The following FBXW7 variants were observed in gnomAD, a reference collection of about 807,000 sequenced individuals.
FBXW7 encodes F-box and WD repeat domain containing 7, also known as F-box/WD repeat-containing protein 7.
In FBXW7, 11 loss-of-function variants were observed where a neutral mutation model predicts 86.3. The ratio of observed to expected loss-of-function variants is 0.13; its 90% CI spans 0.08 to 0.21. The LOEUF (loss-of-function observed/expected upper bound fraction) is 0.21, where lower values mean the gene tolerates loss of function less well. Among genes scored for constraint, FBXW7 ranks in the 10% least tolerant of loss-of-function variants. The pLI is 1.00. For synonymous variants in FBXW7, 313 were observed against 297.9 expected (o/e 1.05, Z -0.52); for missense variants, 488 against 847.4 (o/e 0.58, Z 5.27).
intron 4 of FBXW7, among the ~76,000 whole-genome samples, chr4:152,384,600 G>A (rs1355798076): frequency 6.6e-6 from 1 of 151,804 alleles, no homozygotes; most frequent in Non-Finnish European, 1.5e-5. Context: ...GATGGATAGT[G>A]GTAATGGTTG....
intron 12 of FBXW7, chr4:152,325,690 T>C (rs2126489118): frequency 4.0e-6 from 1 of 247,342 alleles, no homozygotes; most frequent in East Asian, 8.0e-5. Flanking sequence ...AAGGAGTTTC[T>C]TAAAATCCAG....
chr4:152,514,997 A>T (rs75655028), intron 2 of FBXW7, among the ~76,000 whole-genome samples: 2,380 of 152,300 alleles, frequency 0.016, 72 homozygotes, highest in African/African-American at 0.054. Flanking sequence ...AATAAGTAGA[A>T]ATATGGATGA....
At chr4:152,354,808 T>C (rs185608142) in intron 4 of FBXW7, among the ~76,000 whole-genome samples, 47 of 152,258 alleles carry the variant, frequency 3.1e-4, no homozygotes, top group African/African-American at 9.6e-4. Context: ...CATGTTTTAT[T>C]ACCAGGTTTG....
At chr4:152,496,306 A>G (rs1746335123) in intron 2 of FBXW7, among the ~76,000 whole-genome samples, 2 of 152,218 alleles carry the variant, frequency 1.3e-5, no homozygotes, top group Non-Finnish European at 1.5e-5. Flanking sequence ...CAGTAACAAA[A>G]AGTATTTTTA....
At chr4:152,524,587 T>C (rs1749324322) in intron 2 of FBXW7, among the ~76,000 whole-genome samples, 1 of 152,186 alleles carries the variant, frequency 6.6e-6, no homozygotes, top group Non-Finnish European at 1.5e-5. Flanking sequence ...TAACACCTCA[T>C]GTCCACAACC....
At chr4:152,490,521 A>G (rs1745740906) in intron 2 of FBXW7, among the ~76,000 whole-genome samples, 1 of 152,114 alleles carries the variant, frequency 6.6e-6, no homozygotes, top group African/African-American at 2.4e-5. Context: ...TTAATGAGGA[A>G]GAAACAGGCA....
intron 2 of FBXW7, among the ~76,000 whole-genome samples, chr4:152,490,803 T>A (rs1745776426): frequency 6.6e-6 from 1 of 152,174 alleles, no homozygotes; most frequent in African/African-American, 2.4e-5. Flanking sequence ...ATTTTTTCTA[T>A]CTTTATTACT....
At chr4:152,501,008 G>C (rs1579366382) in intron 2 of FBXW7, among the ~76,000 whole-genome samples, 1 of 152,160 alleles carries the variant, frequency 6.6e-6, no homozygotes, top group Non-Finnish European at 1.5e-5. Flanking sequence ...TGTGCCTCTA[G>C]AGGGCAGCAT....
chr4:152,345,968 C>T (rs1378938229), intron 6 of FBXW7, among the ~76,000 whole-genome samples: 2 of 152,052 alleles, frequency 1.3e-5, no homozygotes, highest in Non-Finnish European at 2.9e-5. Flanking sequence ...TTTTACATTA[C>T]TATGGAGGCT....
chr4:152,326,942 T>G (rs1333965584), intron 11 of FBXW7, among the ~76,000 whole-genome samples: 1 of 152,110 alleles, frequency 6.6e-6, no homozygotes, highest in Non-Finnish European at 1.5e-5. Flanking sequence ...TTAAAAGATA[T>G]GTACATCTTT....
chr4:152,516,289 T>G (rs1166967415), intron 2 of FBXW7, among the ~76,000 whole-genome samples: 1 of 151,942 alleles, frequency 6.6e-6, no homozygotes, highest in Non-Finnish European at 1.5e-5. Context: ...GCAGGTGGAG[T>G]ATTATCGCCT....
At chr4:152,406,215 T>A (rs767046250) in intron 4 of FBXW7, among the ~76,000 whole-genome samples, 17 of 152,240 alleles carry the variant, frequency 1.1e-4, no homozygotes, top group Non-Finnish European at 2.4e-4. Flanking sequence ...TATAAAGAAC[T>A]AATCAATGGA....
intron 4 of FBXW7, among the ~76,000 whole-genome samples, chr4:152,408,830 T>C (rs1307418525): frequency 1.3e-5 from 2 of 152,222 alleles, no homozygotes; most frequent in African/African-American, 4.8e-5. Context: ...GGGTGGATCA[T>C]TCGGCCTCTC....
chr4:152,435,170 C>T (rs1265943525), intron 2 of FBXW7, among the ~76,000 whole-genome samples: 1 of 149,580 alleles, frequency 6.7e-6, no homozygotes, highest in Non-Finnish European at 1.5e-5. Context: ...AAAGGACATA[C>T]TTCTTCATAA....
intron 2 of FBXW7, among the ~76,000 whole-genome samples, chr4:152,470,578 C>T (rs1037020374): frequency 4.6e-5 from 7 of 151,864 alleles, no homozygotes; most frequent in African/African-American, 1.7e-4. Flanking sequence ...TTATGCATAA[C>T]AAAAAGAAAT....
At chr4:152,448,268 C>A (rs1209951446) in intron 2 of FBXW7, among the ~76,000 whole-genome samples, 1 of 152,198 alleles carries the variant, frequency 6.6e-6, no homozygotes, top group African/African-American at 2.4e-5. Context: ...AAATCAATTA[C>A]TGCAGTGCAT....
At chr4:152,415,721 C>T (rs554377016) in intron 2 of FBXW7, among the ~76,000 whole-genome samples, 28 of 152,182 alleles carry the variant, frequency 1.8e-4, no homozygotes, top group African/African-American at 6.7e-4. Flanking sequence ...ACATCCCCAC[C>T]ACTGTGAACT....
At chr4:152,356,059 A>T (rs1371390749) in intron 4 of FBXW7, among the ~76,000 whole-genome samples, 1 of 152,178 alleles carries the variant, frequency 6.6e-6, no homozygotes, top group Non-Finnish European at 1.5e-5. Context: ...GTCAACATAA[A>T]GGATGTAGTT....
intron 2 of FBXW7, among the ~76,000 whole-genome samples, chr4:152,471,353 C>CAGGG (rs1382945750): frequency 3.0e-5 from 4 of 134,748 alleles, no homozygotes. Context: ...ATTACAATTA[C>CAGGG]AGGGAGGGAA....
Sources: allele counts gnomAD v4.1 joint callset (sites outside exome capture counted in the v4.1 genomes callset), GRCh38; gene constraint gnomAD v4.1.1; transcripts MANE v1.5; gene names NCBI Gene and HGNC (gene_info 2026-07-23, HGNC 2026-07-21).